Variants in CAST observed in about 807,000 individuals in gnomAD.
CAST encodes MIR583 host.
In CAST, 76 loss-of-function variants were observed where a neutral mutation model predicts 119.6. That is an observed-to-expected ratio of 0.64 (90% CI 0.53 to 0.77). CAST has a LOEUF of 0.77. CAST is among the 30% of genes least tolerant of loss of function. CAST has a pLI of 0.00. For missense variants in CAST, 953 were observed against 946.5 expected (o/e 1.01, Z -0.09); for synonymous variants, 319 against 331.6 (o/e 0.96, Z 0.41).
At chr5:96,298,070 T>C in the CAST span, among the ~76,000 whole-genome samples, 2 of 152,212 alleles carry the variant, frequency 1.3e-5, no homozygotes, top group African/African-American at 2.4e-5. Context: ...TAATGCTAAA[T>C]AGAAATCTTG....
At chr5:96,115,610 C>T in the CAST span, among the ~76,000 whole-genome samples, 1 of 152,204 alleles carries the variant, frequency 6.6e-6, no homozygotes, top group Non-Finnish European at 1.5e-5. Context: ...AGCAGACACT[C>T]ACTCAATAAA....
intron 1 of CAST, chr5:96,662,866 C>T (rs992716313): frequency 3.5e-6 from 2 of 567,282 alleles, no homozygotes; most frequent in East Asian, 3.1e-5. Flanking sequence ...GTCTTCCGCG[C>T]TAAGGCCGGG....
At chr5:96,074,616 G>C in the CAST span, among the ~76,000 whole-genome samples, 1 of 152,230 alleles carries the variant, frequency 6.6e-6, no homozygotes, top group Non-Finnish European at 1.5e-5. Context: ...GCTAGTACAG[G>C]TGGGAAGTTT....
the CAST span, among the ~76,000 whole-genome samples, chr5:96,027,193 A>T: frequency 3.3e-5 from 5 of 152,182 alleles, no homozygotes; most frequent in Admixed American, 6.6e-5. Context: ...AAAACAAAAC[A>T]AAACTAAAAC....
chr5:95,998,862 C>T, the CAST span, among the ~76,000 whole-genome samples: 1 of 152,066 alleles, frequency 6.6e-6, no homozygotes, highest in South Asian at 2.1e-4. Context: ...ATTTACATTC[C>T]CACCAACAGT....
chr5:96,729,747 G>A, intron 8 of CAST, 22 bp downstream of exon 8: 1 of 1,025,628 alleles, frequency 9.8e-7, no homozygotes, highest in Non-Finnish European at 1.6e-6. Context: ...AGATTGATAG[G>A]AAAACCTTAA....
intron 1 of CAST, among the ~76,000 whole-genome samples, chr5:96,534,961 G>GA (rs1460518297): frequency 6.6e-6 from 1 of 151,678 alleles, no homozygotes; most frequent in Admixed American, 6.6e-5. Context: ...AAGAAAGAAA[G>GA]AAAAAGAAAA....
chr5:96,068,692 C>T, the CAST span, among the ~76,000 whole-genome samples: 1 of 149,576 alleles, frequency 6.7e-6, no homozygotes, highest in Non-Finnish European at 1.5e-5. Context: ...TATAATTAAA[C>T]ATATATGTAT....
At chr5:96,418,560 ATTAATCTCAT>A in the CAST span, among the ~76,000 whole-genome samples, 2 of 152,222 alleles carry the variant, frequency 1.3e-5, no homozygotes, top group Admixed American at 6.5e-5. Context: ...TGTAGCTTCT[ATTAATCTCAT>A]TTACGTGGTA....
At chr5:96,383,372 G>T in the CAST span, among the ~76,000 whole-genome samples, 1 of 152,344 alleles carries the variant, frequency 6.6e-6, no homozygotes, top group East Asian at 1.9e-4. Context: ...GTGGGGCAGG[G>T]AGATGACATG....
chr5:96,392,913 C>G, the CAST span: 14 of 1,310,744 alleles, frequency 1.1e-5, no homozygotes, highest in Admixed American at 1.0e-4. Flanking sequence ...CATAAGAATT[C>G]ATGACAAAAC....
chr5:96,031,873 G>T, the CAST span, among the ~76,000 whole-genome samples: 33 of 152,196 alleles, frequency 2.2e-4, no homozygotes, highest in South Asian at 6.8e-3. Context: ...ATCAGCTGGG[G>T]GACTCTGACT....
chr5:96,005,022 C>G, the CAST span, among the ~76,000 whole-genome samples: 12 of 152,162 alleles, frequency 7.9e-5, no homozygotes, highest in Non-Finnish European at 1.5e-4. Context: ...AGTAATGCCT[C>G]TAGAATTCTG....
At chr5:96,495,260 GT>G in the CAST span, among the ~76,000 whole-genome samples, 1 of 150,736 alleles carries the variant, frequency 6.6e-6, no homozygotes, top group African/African-American at 2.4e-5. Context: ...TTTGTTTTTT[GT>G]TTTTTTTACT....
At chr5:96,206,062 T>C in the CAST span, among the ~76,000 whole-genome samples, 1 of 152,080 alleles carries the variant, frequency 6.6e-6, no homozygotes, top group Non-Finnish European at 1.5e-5. Context: ...ATTTTTCTAA[T>C]GATTAGGGAT....
the CAST span, chr5:95,961,836 C>G: frequency 7.3e-7 from 1 of 1,363,396 alleles, no homozygotes; most frequent in African/African-American, 1.5e-5. Flanking sequence ...CCGCTGCTGA[C>G]GTACTGTCAT....
At chr5:96,079,748 C>T in the CAST span, among the ~76,000 whole-genome samples, 2 of 152,126 alleles carry the variant, frequency 1.3e-5, no homozygotes, top group Non-Finnish European at 2.9e-5. Context: ...TAGGAACATA[C>T]TATATACATC....
intron 1 of CAST, among the ~76,000 whole-genome samples, chr5:96,639,292 G>A (rs1747922184): frequency 6.6e-6 from 1 of 152,184 alleles, no homozygotes; most frequent in Non-Finnish European, 1.5e-5. Context: ...GAGGTATTTG[G>A]AGAGTGCTGT....
chr5:96,039,309 C>T, the CAST span, among the ~76,000 whole-genome samples: 1 of 152,106 alleles, frequency 6.6e-6, no homozygotes, highest in Admixed American at 6.6e-5. Context: ...AAAATTTTCT[C>T]CCATTCTGTA....
Sources: gnomAD v4.1 joint callset for allele counts (sites outside exome capture counted in the v4.1 genomes callset) on GRCh38, gnomAD v4.1.1 for gene constraint, MANE v1.5 for transcripts, NCBI Gene and HGNC (gene_info 2026-07-23, HGNC 2026-07-21) for gene names.